FAM227B: variants seen among roughly 807,000 people sequenced by gnomAD.
FAM227B encodes protein FAM227B.
A neutral mutation model predicts 73.8 loss-of-function variants in FAM227B; 88 were observed. The observed-to-expected ratio is 1.19, with a 90% confidence interval of 1.00 to 1.42. The LOEUF is 1.42. Among genes scored for constraint, FAM227B ranks in the 40% most tolerant of loss-of-function variants. The pLI is 0.00. For missense variants in FAM227B, 632 were observed against 590.9 expected (o/e 1.07, Z -0.72); for synonymous variants, 210 against 190.5 (o/e 1.10, Z -0.84).
At position 49,617,779 on chromosome 15, in the gene FAM227B, TGTGTG is replaced by T. The variant is rs1465232357; in HGVS notation, c.-72-2541_-72-2537del. 3.2e-3 allele frequency among the ~76,000 whole-genome samples: 410 copies of T among 126,318 alleles called. 3 individuals carry two copies. The highest frequency in any genetic ancestry group is 0.017 in the African/African-American group (395 of 22,594). The allele number at this position is 126,318 out of a possible 152,430, so 82.9% of individuals were successfully genotyped here. A position where few individuals can be genotyped will look rare whatever the true frequency, so the allele number is the denominator to read the frequency against. ...AGGGCTATGCTCCTTTCATGTTTTG[TGTGTG>T]TGTGTGTGTGTGTGTGTGTGTGACA... On this transcript the variant is annotated intron_variant, in intron 1 of 15. Transcript: ENST00000299338.
At position 49,600,350 on chromosome 15, in the gene FAM227B, C is replaced by T. The variant is rs76605985; in HGVS notation, c.106-10343G>A. ...GCAGCATATAGCTGTTTCTTTCTTT[C>T]TTTTTTTTTTTTTTTAAATCCGGCC... is the stretch of plus-strand genomic sequence containing the variant. On this transcript the variant is annotated intron_variant, in intron 3 of 15. Coordinates refer to ENST00000299338, the MANE Select transcript of FAM227B (RefSeq NM_152647.3). Among the ~76,000 whole-genome samples the T allele has an allele frequency of 8.0e-3, 1,021 of 127,864 alleles. 15 individuals carry two copies. The highest frequency in any genetic ancestry group is 0.033 in the African/African-American group (856 of 26,188). The allele number at this position is 127,864 out of a possible 152,430, so 83.9% of individuals were successfully genotyped here.
intron 11 of FAM227B, among the ~76,000 whole-genome samples, chr15:49,470,974 C>A (rs552897877): frequency 2.8e-4 from 42 of 152,276 alleles, no homozygotes; most frequent in African/African-American, 1.0e-3. Context: ...GTGTTTGTTC[C>A]ACATCTTGTG....
intron 11 of FAM227B, among the ~76,000 whole-genome samples, chr15:49,416,161 A>C (rs2049198318): frequency 9.9e-6 from 1 of 100,540 alleles, no homozygotes; most frequent in African/African-American, 4.0e-5. Flanking sequence ...ACCCCCCACC[A>C]ATCTACTTGT....
intron 11 of FAM227B, among the ~76,000 whole-genome samples, chr15:49,453,908 G>A (rs11070693): frequency 0.26 from 38,913 of 151,978 alleles, 5,343 homozygotes; most frequent in East Asian, 0.44. Flanking sequence ...TGGAAGCCTT[G>A]CATTCCTCCA....
At chr15:49,554,584 T>A (rs1306472474) in intron 9 of FAM227B, among the ~76,000 whole-genome samples, 1 of 152,156 alleles carries the variant, frequency 6.6e-6, no homozygotes, top group African/African-American at 2.4e-5. Context: ...AGGACAGCAC[T>A]GAGTTAACTA....
At chr15:49,531,422 A>G (rs2060601466) in intron 10 of FAM227B, among the ~76,000 whole-genome samples, 1 of 152,030 alleles carries the variant, frequency 6.6e-6, no homozygotes, top group Non-Finnish European at 1.5e-5. Context: ...AGTGTAGGGA[A>G]ATAAGATATC....
chr15:49,553,350 C>T (rs911402535), intron 9 of FAM227B, among the ~76,000 whole-genome samples: 1 of 152,222 alleles, frequency 6.6e-6, no homozygotes, highest in Non-Finnish European at 1.5e-5. Context: ...GTGGCTATCA[C>T]CATTATGACT....
intron 11 of FAM227B, among the ~76,000 whole-genome samples, chr15:49,480,928 ACT>A (rs2055888804): frequency 6.6e-6 from 1 of 152,180 alleles, no homozygotes; most frequent in Non-Finnish European, 1.5e-5. Context: ...ATTAATAATA[ACT>A]CTATCAGTCA....
intron 10 of FAM227B, among the ~76,000 whole-genome samples, chr15:49,541,263 T>C (rs1295431500): frequency 6.6e-6 from 1 of 152,094 alleles, no homozygotes; most frequent in Non-Finnish European, 1.5e-5. Context: ...ACACAGTGAT[T>C]CACAAACAGG....
At chr15:49,452,634 T>C (rs779573568) in intron 11 of FAM227B, among the ~76,000 whole-genome samples, 1 of 152,182 alleles carries the variant, frequency 6.6e-6, no homozygotes, top group Non-Finnish European at 1.5e-5. Context: ...ATAATGAAGA[T>C]ACCTTAGTTT....
At chr15:49,391,951 TG>T (rs1455138670) in intron 11 of FAM227B, among the ~76,000 whole-genome samples, 1 of 152,056 alleles carries the variant, frequency 6.6e-6, no homozygotes, top group East Asian at 1.9e-4. Context: ...CTGCAAACGT[TG>T]GTGTGGGTAT....
chr15:49,591,823 T>C (rs1404136859), intron 3 of FAM227B, among the ~76,000 whole-genome samples: 1 of 152,158 alleles, frequency 6.6e-6, no homozygotes, highest in Admixed American at 6.5e-5. Context: ...TGTGTATGTG[T>C]GCATGTATAC....
chr15:49,354,305 G>A (rs139884542), intron 13 of FAM227B, among the ~76,000 whole-genome samples: 22,768 of 152,050 alleles, frequency 0.15, 2,163 homozygotes, highest in Non-Finnish European at 0.21. Flanking sequence ...CGCAGAAGAC[G>A]GGTGATTTCT....
chr15:49,401,189 A>C (rs1157033685), intron 11 of FAM227B, among the ~76,000 whole-genome samples: 2 of 152,260 alleles, frequency 1.3e-5, no homozygotes, highest in Non-Finnish European at 2.9e-5. Context: ...AAGTGGGCGA[A>C]GGACATGAAC....
At chr15:49,384,121 C>G (rs1283306776) in intron 11 of FAM227B, among the ~76,000 whole-genome samples, 1 of 152,030 alleles carries the variant, frequency 6.6e-6, no homozygotes, top group East Asian at 1.9e-4. Context: ...GGTAGGACTT[C>G]TCTTTAGGAT....
intron 13 of FAM227B, chr15:49,365,993 A>G (rs1331846633): frequency 6.2e-6 from 5 of 809,416 alleles, no homozygotes; most frequent in Non-Finnish European, 1.1e-5. Flanking sequence ...ATCATAACAC[A>G]GTAGATGACT....
At chr15:49,471,257 GGGTGGATCACCTA>G (rs1256686748) in intron 11 of FAM227B, among the ~76,000 whole-genome samples, 2 of 29,460 alleles carry the variant, frequency 6.8e-5, no homozygotes, top group Non-Finnish European at 4.3e-4. Flanking sequence ...AGGCCGAGGT[GGGTGGATCACCTA>G]GGTCAGGAGT....
chr15:49,561,024 T>C (rs2074213641), intron 9 of FAM227B, among the ~76,000 whole-genome samples: 1 of 152,150 alleles, frequency 6.6e-6, no homozygotes, highest in African/African-American at 2.4e-5. Flanking sequence ...AAATCTCACA[T>C]ATCAATACTT....
rs1206106776 is a variant in FAM227B, at chr15:49,371,800, CACTTATAAATA to C, written c.1013-412_1013-402del. Among the ~76,000 whole-genome samples the C allele has an allele frequency of 4.9e-3, 696 of 141,488 alleles. 1 individual carries two copies. Among genetic ancestry groups the C allele is most frequent in the East Asian group, 0.024 (113 of 4,722 alleles). 92.8% of individuals were successfully genotyped at this position (141,488 alleles called of 152,430 possible). On this transcript the variant is annotated intron_variant, in intron 11 of 15. Transcript: ENST00000299338. The stretch of plus-strand genomic sequence containing the variant: ...ACTTATAAATAAATGAAATAAAATT[CACTTATAAATA>C]AATGAAATAAAATTCACTTATAAAT...
Sources: allele counts gnomAD v4.1 joint callset (sites outside exome capture counted in the v4.1 genomes callset), GRCh38; gene constraint gnomAD v4.1.1; transcripts MANE v1.5; gene names NCBI Gene and HGNC (gene_info 2026-07-23, HGNC 2026-07-21).